The following SPOCK3 variants were observed in gnomAD, a reference collection of about 807,000 sequenced individuals.
The protein encoded by SPOCK3 is SPARC (osteonectin), cwcv and kazal like domains proteoglycan 3.
SPOCK3 carries 30 observed loss-of-function variants against 56.6 expected under a neutral mutation model. The observed-to-expected ratio is 0.53, with a 90% CI of 0.40 to 0.72. The LOEUF (loss-of-function observed/expected upper bound fraction) is 0.72, where lower values mean the gene tolerates loss of function less well. SPOCK3 is among the 30% of genes least tolerant of loss of function. The pLI, the probability that SPOCK3 is intolerant of heterozygous loss-of-function variation, is 0.00. For missense variants in SPOCK3, 527 were observed against 530.0 expected, an observed-to-expected ratio of 0.99 and a Z score of 0.06; for synonymous variants, 196 against 183.3, an observed-to-expected ratio of 1.07 and a Z score of -0.56.
chr4:166,901,245 C>T (rs1201682831), intron 5 of SPOCK3, among the ~76,000 whole-genome samples: 1 of 152,072 alleles, frequency 6.6e-6, no homozygotes, highest in African/African-American at 2.4e-5. Flanking sequence ...GCACACTTCC[C>T]TCAGCTATCA....
intron 10 of SPOCK3, among the ~76,000 whole-genome samples, chr4:166,735,393 G>C (rs190005032): frequency 1.3e-5 from 2 of 151,896 alleles, no homozygotes; most frequent in Non-Finnish European, 2.9e-5. Context: ...TGTGCATTTT[G>C]CAAAGAATTC....
intron 2 of SPOCK3, among the ~76,000 whole-genome samples, chr4:167,117,088 C>T (rs1761491366): frequency 1.3e-5 from 2 of 151,212 alleles, no homozygotes; most frequent in South Asian, 4.2e-4. Context: ...TGGAATGCTC[C>T]CAACACAAAG....
intron 2 of SPOCK3, among the ~76,000 whole-genome samples, chr4:167,089,334 C>T (rs1047442280): frequency 3.3e-5 from 5 of 152,058 alleles, no homozygotes; most frequent in African/African-American, 1.2e-4. Context: ...GAGGAAGTGG[C>T]ATGAGTTAAG....
chr4:167,185,428 A>G (rs1731857971), intron 2 of SPOCK3, among the ~76,000 whole-genome samples: 1 of 152,204 alleles, frequency 6.6e-6, no homozygotes, highest in Non-Finnish European at 1.5e-5. Context: ...CTTAACAGTC[A>G]GTGAAGATTT....
intron 4 of SPOCK3, among the ~76,000 whole-genome samples, chr4:166,962,937 G>T (rs760952988): frequency 6.6e-6 from 1 of 152,044 alleles, no homozygotes; most frequent in Admixed American, 6.6e-5. Flanking sequence ...AACATGGTCA[G>T]TTCAAAATTT....
At chr4:166,899,508 C>CTTTCTTTTTTTTTT (rs1553997547) in intron 5 of SPOCK3, among the ~76,000 whole-genome samples, 1 of 119,100 alleles carries the variant, frequency 8.4e-6, no homozygotes, top group Non-Finnish European at 1.7e-5. Flanking sequence ...TTCTTTCTTT[C>CTTTCTTTTTTTTTT]TTTTTTTTTT....
intron 2 of SPOCK3, among the ~76,000 whole-genome samples, chr4:167,110,313 A>G (rs1413124027): frequency 6.6e-6 from 1 of 151,828 alleles, no homozygotes. Context: ...CTTTTTCTCT[A>G]TTTCTCAGAG....
At chr4:167,199,039 C>T (rs1354307479) in intron 2 of SPOCK3, among the ~76,000 whole-genome samples, 1 of 151,982 alleles carries the variant, frequency 6.6e-6, no homozygotes, top group Non-Finnish European at 1.5e-5. Context: ...AAAGTGATCA[C>T]TATTTGTATA....
At chr4:167,208,002 T>A (rs1235633902) in intron 2 of SPOCK3, among the ~76,000 whole-genome samples, 3 of 152,166 alleles carry the variant, frequency 2.0e-5, no homozygotes, top group Non-Finnish European at 4.4e-5. Flanking sequence ...CCTTCTGAGC[T>A]TCTCAGGTAC....
intron 3 of SPOCK3, among the ~76,000 whole-genome samples, chr4:167,009,637 C>T (rs1039121467): frequency 6.6e-6 from 1 of 151,566 alleles, no homozygotes; most frequent in African/African-American, 2.4e-5. Flanking sequence ...CCAAAAAAAA[C>T]AACAACAAAA....
chr4:166,851,605 A>G (rs1579424270), intron 6 of SPOCK3, among the ~76,000 whole-genome samples: 1 of 152,228 alleles, frequency 6.6e-6, no homozygotes, highest in East Asian at 1.9e-4. Flanking sequence ...AGAATAACCA[A>G]TACAGAGAAG....
chr4:166,943,257 T>C (rs1192646368), intron 4 of SPOCK3, among the ~76,000 whole-genome samples: 1 of 152,216 alleles, frequency 6.6e-6, no homozygotes, highest in Non-Finnish European at 1.5e-5. Context: ...GATATCTGTT[T>C]AATGTCCACC....
intron 3 of SPOCK3, among the ~76,000 whole-genome samples, chr4:167,019,031 G>C (rs1479161392): frequency 6.6e-6 from 1 of 151,966 alleles, no homozygotes; most frequent in Non-Finnish European, 1.5e-5. Context: ...TAAAAAATCA[G>C]CTGTTTCCCT....
At chr4:167,139,168 G>A (rs992088704) in intron 2 of SPOCK3, among the ~76,000 whole-genome samples, 2 of 151,904 alleles carry the variant, frequency 1.3e-5, no homozygotes, top group Non-Finnish European at 2.9e-5. Context: ...GATTCATTTA[G>A]TCGGTGATCC....
chr4:167,168,281 A>G (rs1730182815), intron 2 of SPOCK3, among the ~76,000 whole-genome samples: 1 of 152,188 alleles, frequency 6.6e-6, no homozygotes, highest in African/African-American at 2.4e-5. Flanking sequence ...GGTAACAGGC[A>G]GAAGTTGGAA....
chr4:167,030,683 T>A (rs760119724), intron 3 of SPOCK3, among the ~76,000 whole-genome samples: 40 of 152,090 alleles, frequency 2.6e-4, no homozygotes, highest in Non-Finnish European at 5.1e-4. Context: ...GTCATTTAAA[T>A]AAACCTATGT....
chr4:166,782,802 T>C (rs920022970), intron 7 of SPOCK3, among the ~76,000 whole-genome samples: 3 of 152,234 alleles, frequency 2.0e-5, no homozygotes, highest in African/African-American at 2.4e-5. Flanking sequence ...GGTTTAAAGA[T>C]TTAAGTGCAA....
chr4:166,954,461 C>A (rs1231223577), intron 4 of SPOCK3, among the ~76,000 whole-genome samples: 1 of 152,006 alleles, frequency 6.6e-6, no homozygotes, highest in Non-Finnish European at 1.5e-5. Flanking sequence ...GTCTTTATCC[C>A]ATTTAAGTTT....
chr4:167,189,499 CAATA>C lies in SPOCK3; in HGVS notation c.189+44482_189+44485del, dbSNP rs201742101. On this transcript the variant is annotated intron_variant, in intron 2 of 10. Transcript: ENST00000357545. ...ATTTTTTTCCAGCTTTATTGAGGTA[CAATA>C]AATAAAAATTGTATGTTTCAAGGTG... is the stretch of plus-strand genomic sequence containing the variant. Among the ~76,000 whole-genome samples, 150 of 145,146 alleles carry C rather than the reference CAATA, an allele frequency of 1.0e-3. 17 individuals carry two copies. Among genetic ancestry groups the C allele is most frequent in the East Asian group, 3.8e-3 (18 of 4,784 alleles).
Sources: gnomAD v4.1 joint callset for allele counts (sites outside exome capture counted in the v4.1 genomes callset) on GRCh38, gnomAD v4.1.1 for gene constraint, MANE v1.5 for transcripts, NCBI Gene and HGNC (gene_info 2026-07-23, HGNC 2026-07-21) for gene names.